DENND5A: variants seen among roughly 807,000 people sequenced by gnomAD.
DENND5A encodes the protein DENN domain-containing protein 5A.
In DENND5A, 64 loss-of-function variants were observed where a neutral mutation model predicts 140.3. The observed-to-expected ratio is 0.46, with a 90% CI of 0.37 to 0.56. The LOEUF is 0.56. Among genes scored for constraint, DENND5A ranks in the 20% least tolerant of loss-of-function variants. The pLI is 0.00. For synonymous variants in DENND5A, 605 were observed against 607.7 expected, an observed-to-expected ratio of 1.00 and a Z score of 0.07; for missense variants, 1,292 against 1,593.8, an observed-to-expected ratio of 0.81 and a Z score of 3.22.
At chr11:9,221,357 G>C (rs1467411774) in intron 1 of DENND5A, among the ~76,000 whole-genome samples, 5 of 152,132 alleles carry the variant, frequency 3.3e-5, no homozygotes, top group South Asian at 2.1e-4. Flanking sequence ...CTTGAACCTG[G>C]GAGGCAGAGG....
chr11:9,222,510 T>C (rs1850353150), intron 1 of DENND5A, among the ~76,000 whole-genome samples: 1 of 152,322 alleles, frequency 6.6e-6, no homozygotes, highest in East Asian at 1.9e-4. Context: ...AACTTTTTTA[T>C]ATGAAGTTGC....
chr11:9,251,937 C>T (rs1232712610), intron 1 of DENND5A, among the ~76,000 whole-genome samples: 4 of 150,556 alleles, frequency 2.7e-5, no homozygotes, highest in South Asian at 2.1e-4. Context: ...TGCAGTGAGC[C>T]GAGATGGCAC....
At chr11:9,238,383 A>C (rs1250563566) in intron 1 of DENND5A, among the ~76,000 whole-genome samples, 1 of 151,678 alleles carries the variant, frequency 6.6e-6, no homozygotes, top group East Asian at 1.9e-4. Flanking sequence ...TAAGCTATAT[A>C]CTTATATACT....
At chr11:9,257,715 CT>C in intron 1 of DENND5A, among the ~76,000 whole-genome samples, 1 of 151,800 alleles carries the variant, frequency 6.6e-6, no homozygotes, top group Middle Eastern at 3.4e-3. Flanking sequence ...ATCTCCTGAC[CT>C]TGTGATCCGC....
chr11:9,244,553 G>C (rs1564937228), intron 1 of DENND5A, among the ~76,000 whole-genome samples: 1 of 152,074 alleles, frequency 6.6e-6, no homozygotes, highest in Non-Finnish European at 1.5e-5. Flanking sequence ...ATTTTTAGTA[G>C]AGACCGGGTT....
At chr11:9,259,379 A>AG (rs2136304935) in intron 1 of DENND5A, among the ~76,000 whole-genome samples, 1 of 150,662 alleles carries the variant, frequency 6.6e-6, no homozygotes, top group South Asian at 2.1e-4. Context: ...TAACACGGTG[A>AG]CACCCCATCT....
intron 12 of DENND5A, among the ~76,000 whole-genome samples, chr11:9,152,704 G>C (rs887188126): frequency 1.3e-5 from 2 of 152,022 alleles, no homozygotes; most frequent in African/African-American, 4.8e-5. Flanking sequence ...GGGACCAGTG[G>C]ATAAGAAAGA....
chr11:9,139,663 C>CTGGGAGGTCAGA lies in DENND5A; in HGVS notation c.3860_*7dup, dbSNP rs1847169528. ...TTCTCAGTCCTGCTGCTGGCTGGTG[C>CTGGGAGGTCAGA]TGGGAGGTCAGATGTCGATGCCCTT... On this transcript the variant is annotated 3_prime_UTR_variant, in exon 23 of 23. Transcript: ENST00000328194. 6.2e-7 allele frequency: 1 copy of CTGGGAGGTCAGA among 1,611,768 alleles called. No individual in the cohort carries two copies. Among genetic ancestry groups the CTGGGAGGTCAGA allele is most frequent in the Admixed American group, 1.7e-5 (1 of 59,738 alleles).
At chr11:9,238,025 A>G (rs1443523394) in intron 1 of DENND5A, among the ~76,000 whole-genome samples, 2 of 152,242 alleles carry the variant, frequency 1.3e-5, no homozygotes, top group Non-Finnish European at 2.9e-5. Flanking sequence ...GGTCCACCAG[A>G]AAGATCTTTG....
At chr11:9,166,850 TA>T (rs1171164929) in intron 10 of DENND5A, among the ~76,000 whole-genome samples, 1 of 150,876 alleles carries the variant, frequency 6.6e-6, no homozygotes, top group East Asian at 1.9e-4. Context: ...AATAAATAAA[TA>T]AAAATTTAAA....
At chr11:9,161,143 C>T (rs200140058) in intron 11 of DENND5A, among the ~76,000 whole-genome samples, 1 of 152,132 alleles carries the variant, frequency 6.6e-6, no homozygotes, top group Non-Finnish European at 1.5e-5. Context: ...GTCAGGAGAT[C>T]GAGACCATCC....
intron 8 of DENND5A, among the ~76,000 whole-genome samples, chr11:9,174,830 C>T (rs1379487989): frequency 6.6e-6 from 1 of 151,956 alleles, no homozygotes; most frequent in Non-Finnish European, 1.5e-5. Context: ...CAGATAAAAA[C>T]GCTGAACAAA....
intron 15 of DENND5A, among the ~76,000 whole-genome samples, chr11:9,147,526 G>T (rs754309940): frequency 6.6e-6 from 1 of 152,190 alleles, no homozygotes; most frequent in Non-Finnish European, 1.5e-5. Context: ...GTGTGTGAGT[G>T]GCAGTGGATG....
At chr11:9,142,189 C>T in intron 21 of DENND5A, 81 bp from the exon 22 acceptor site, 1 of 1,161,276 alleles carries the variant, frequency 8.6e-7, no homozygotes, top group Non-Finnish European at 1.2e-6. Context: ...TGCCATGGGC[C>T]TCTCCAAGTC....
At chr11:9,250,496 C>G (rs893394576) in intron 1 of DENND5A, among the ~76,000 whole-genome samples, 1 of 152,052 alleles carries the variant, frequency 6.6e-6, no homozygotes, top group Non-Finnish European at 1.5e-5. Flanking sequence ...TGCATTTCAA[C>G]GATTATGCCA....
intron 12 of DENND5A, among the ~76,000 whole-genome samples, chr11:9,159,329 T>TC (rs1847905391): frequency 6.6e-6 from 1 of 151,474 alleles, no homozygotes; most frequent in South Asian, 2.1e-4. Flanking sequence ...TTCTTTTTTT[T>TC]TTTTTTTTGA....
chr11:9,160,906 G>A (rs1590218750), intron 11 of DENND5A, 41 bp from the exon 12 acceptor site: 1 of 1,603,272 alleles, frequency 6.2e-7, no homozygotes, highest in Non-Finnish European at 8.5e-7. Context: ...ACCACAGTGA[G>A]CAGGATTACA....
At position 9,189,800 on chromosome 11, in the gene DENND5A, C is replaced by T. The variant is rs184851662; in HGVS notation, c.1137+3694G>A. Among the ~76,000 whole-genome samples the T allele has an allele frequency of 2.5e-3, 382 of 152,224 alleles. 1 individual carries two copies. Among genetic ancestry groups the T allele is most frequent in the African/African-American group, 8.7e-3 (363 of 41,540 alleles). ...GGATAACAGGCTTGTGCCACCATGC[C>T]CAGCCAATTTTGTGTTTTAAGTAGA... On this transcript the variant is annotated intron_variant, in intron 5 of 22. Coordinates refer to ENST00000328194, the MANE Select transcript of DENND5A (RefSeq NM_015213.4).
At chr11:9,140,246 A>T (rs1847192596) in intron 22 of DENND5A, 1 of 1,293,900 alleles carries the variant, frequency 7.7e-7, no homozygotes, top group Non-Finnish European at 1.0e-6. Context: ...CTTCATGATA[A>T]CCCTGTGATA....
Sources: gnomAD v4.1 joint callset for allele counts (sites outside exome capture counted in the v4.1 genomes callset) on GRCh38, gnomAD v4.1.1 for gene constraint, MANE v1.5 for transcripts, NCBI Gene and HGNC (gene_info 2026-07-23, HGNC 2026-07-21) for gene names.